The following RBM19 variants were observed in gnomAD, a reference collection of about 807,000 sequenced individuals.
RBM19 encodes the protein probable RNA-binding protein 19.
A neutral mutation model predicts 116.8 loss-of-function variants in RBM19; 94 were observed. The ratio of observed to expected loss-of-function variants is 0.80; its 90% CI spans 0.68 to 0.95. The LOEUF is 0.95. Ranked by LOEUF, RBM19 falls within the 40% of genes least tolerant of loss-of-function variation. The probability of loss-of-function intolerance (pLI) is 0.00; values close to 1 mark genes in which losing one functional copy is unlikely to be tolerated. For synonymous variants in RBM19, 475 were observed against 494.1 expected, an observed-to-expected ratio of 0.96 and a Z score of 0.51; for missense variants, 1,161 against 1,220.7, an observed-to-expected ratio of 0.95 and a Z score of 0.73.
chr12:113,879,376 T>A (rs1232137415), intron 21 of RBM19, among the ~76,000 whole-genome samples: 1 of 150,738 alleles, frequency 6.6e-6, no homozygotes, highest in Non-Finnish European at 1.5e-5. Context: ...CAAATTAAGA[T>A]AGACATTTAG....
intron 16 of RBM19, among the ~76,000 whole-genome samples, chr12:113,931,011 C>A (rs1270678067): frequency 6.6e-6 from 1 of 152,134 alleles, no homozygotes; most frequent in East Asian, 1.9e-4. Flanking sequence ...CAAACAAAAA[C>A]CCCAAAGTCA....
At chr12:113,966,167 T>A (rs747485976) in intron 1 of RBM19, 25 bp downstream of exon 1, 9 of 1,614,060 alleles carry the variant, frequency 5.6e-6, no homozygotes, top group Non-Finnish European at 6.8e-6. Flanking sequence ...CATTTCAGAT[T>A]CCCAAGTCCT....
chr12:113,889,043 C>T lies in RBM19; in HGVS notation c.2558+25926G>A, dbSNP rs549430878. Among the ~76,000 whole-genome samples the T allele has an allele frequency of 4.3e-4, 65 of 152,322 alleles. 2 individuals are homozygous for T. In the South Asian group the frequency reaches 0.013, roughly 30 times the overall value. ...ATGCCCACAGGCAGAGGACAGCCCT[C>T]TCCCCGCATGCCAACAGAAACACTG... On this transcript the variant is annotated intron_variant, in intron 21 of 23. Transcript: ENST00000261741.
intron 21 of RBM19, 132 bp from the exon 22 acceptor site, chr12:113,859,028 T>A: frequency 1.3e-6 from 1 of 748,822 alleles, no homozygotes; most frequent in Non-Finnish European, 2.2e-6. Context: ...ACACACACGC[T>A]CACACATGTC....
intron 17 of RBM19, among the ~76,000 whole-genome samples, chr12:113,925,458 C>T (rs1206887686): frequency 1.3e-5 from 2 of 152,166 alleles, no homozygotes; most frequent in Non-Finnish European, 2.9e-5. Flanking sequence ...ATTAACATCC[C>T]CATGTTACAG....
rs972851086 is a variant in RBM19 at position 113,823,012 on chromosome 12, G to A, written c.*212C>T. ...GTGCGCAGTCAGTGTCTGCTAGAAC[G>A]CGTCACTGGTGAAACCCAGGATGCC... is the stretch of plus-strand genomic sequence containing the variant. On this transcript the variant is annotated 3_prime_UTR_variant, in exon 24 of 24. Coordinates refer to ENST00000261741, the MANE Select transcript of RBM19 (RefSeq NM_016196.4). 3 of 569,404 alleles carry A rather than the reference G, an allele frequency of 5.3e-6. No individual in the cohort carries two copies. Among genetic ancestry groups the A allele is most frequent in the Non-Finnish European group, 9.4e-6 (3 of 317,566 alleles). 35.3% of individuals were successfully genotyped at this position (569,404 alleles called of 1,614,324 possible). A position where few individuals can be genotyped will look rare whatever the true frequency, so the allele number is the denominator to read the frequency against.
rs138373980 is a variant in RBM19 at position 113,890,127 on chromosome 12, C to T, written c.2558+24842G>A. ...GATCCTCTCTCATTCCCCCCTCCCT[C>T]GCTGCCCAAAACCTCAAATAAAATA... On this transcript the variant is annotated intron_variant, in intron 21 of 23. Transcript: ENST00000261741. Among the ~76,000 whole-genome samples, 457 of 152,298 alleles carry T rather than the reference C, an allele frequency of 3.0e-3. 6 individuals carry two copies. Among genetic ancestry groups the T allele is most frequent in the African/African-American group, 0.011 (440 of 41,546 alleles).
At chr12:113,882,730 C>T (rs1288635109) in intron 21 of RBM19, among the ~76,000 whole-genome samples, 3 of 152,162 alleles carry the variant, frequency 2.0e-5, no homozygotes, top group Non-Finnish European at 4.4e-5. Flanking sequence ...TCCCATTAGC[C>T]CCTCCCCAGC....
intron 9 of RBM19, among the ~76,000 whole-genome samples, chr12:113,949,687 C>A (rs1871317853): frequency 6.6e-6 from 1 of 152,134 alleles, no homozygotes; most frequent in African/African-American, 2.4e-5. Flanking sequence ...TACTGAACAT[C>A]CTGTCCGTAG....
At position 113,881,096 on chromosome 12, in the gene RBM19, T is replaced by C. The variant is rs371458629; in HGVS notation, c.2559-22200A>G. ...GCAAGGCTTGCCTGAACTGGGGCGC[T>C]GCTCTAATGGGTCTGAGGAGGCAGG... On this transcript the variant is annotated intron_variant, in intron 21 of 23. Transcript: ENST00000261741. Among the ~76,000 whole-genome samples, 11 of 152,334 alleles carry C rather than the reference T, an allele frequency of 7.2e-5. No individual in the cohort carries two copies. In the East Asian group the frequency reaches 1.4e-3, roughly 19 times the overall value.
At chr12:113,863,066 G>A (rs988490161) in intron 21 of RBM19, among the ~76,000 whole-genome samples, 4 of 149,544 alleles carry the variant, frequency 2.7e-5, no homozygotes, top group African/African-American at 7.3e-5. Flanking sequence ...GTGGTGGGGG[G>A]AGAGAAGGGA....
Position 113,957,954 on chromosome 12 carries a change from G to A in RBM19, c.668C>T (p.Ser223Phe), listed in dbSNP as rs995784630. Residue 223 changes from serine (S) to phenylalanine (F), a missense_variant, in exon 6 of 24, where the codon TCC (serine) becomes TTC (phenylalanine). Transcript: ENST00000261741. ...ATCTTCACTTTCCTCTTCCTCCGAG[G>A]AAGAGGACGACCCAGCCTTCACCAT... ...SKMVKAGSSS[S>F]SEEEESEDEA... 1 of 1,614,100 alleles carries A rather than the reference G, an allele frequency of 6.2e-7. No individual in the cohort carries two copies. The highest frequency in any genetic ancestry group is 1.1e-5 in the South Asian group (1 of 91,076).
In RBM19 at chr12:113,920,705, T is replaced by C; in HGVS notation, c.2306-15A>G. ...AAGGAGCACTCCTGAGAGAGAGAGGTGGAAATCACACCAGTCGGTGAAGCG... is the reference window on the plus strand; with the variant it reads ...AAGGAGCACTCCTGAGAGAGAGAGGCGGAAATCACACCAGTCGGTGAAGCG... On this transcript the variant is annotated splice_polypyrimidine_tract_variant and intron_variant, in intron 18 of 23. Coordinates refer to ENST00000261741, the MANE Select transcript of RBM19 (RefSeq NM_016196.4). 6.2e-7 allele frequency: 1 copy of C among 1,608,552 alleles called. No individual in the cohort carries two copies. The highest frequency in any genetic ancestry group is 1.1e-5 in the South Asian group (1 of 90,956).
chr12:113,915,315 T>A (rs1004779240), intron 20 of RBM19, among the ~76,000 whole-genome samples: 12 of 152,122 alleles, frequency 7.9e-5, no homozygotes, highest in Non-Finnish European at 1.5e-5. Flanking sequence ...GCTGCTGACC[T>A]TCATTTGAGA....
chr12:113,886,178 G>A (rs1464334269), intron 21 of RBM19, among the ~76,000 whole-genome samples: 1 of 152,078 alleles, frequency 6.6e-6, no homozygotes, highest in Non-Finnish European at 1.5e-5. Context: ...TGTTGCCCAG[G>A]CTAGAATGCA....
intron 16 of RBM19, among the ~76,000 whole-genome samples, chr12:113,930,256 C>T (rs769824438): frequency 3.3e-5 from 5 of 152,230 alleles, no homozygotes; most frequent in African/African-American, 7.2e-5. Context: ...AGCCAGTGCC[C>T]GGCGTGGCAT....
intron 22 of RBM19, among the ~76,000 whole-genome samples, chr12:113,845,467 A>C (rs1427559953): frequency 6.6e-6 from 1 of 152,196 alleles, no homozygotes; most frequent in Non-Finnish European, 1.5e-5. Flanking sequence ...CTGAGACAGA[A>C]TTCACATACT....
intron 23 of RBM19, among the ~76,000 whole-genome samples, chr12:113,831,891 C>T (rs1875449940): frequency 6.6e-6 from 1 of 152,150 alleles, no homozygotes; most frequent in African/African-American, 2.4e-5. Flanking sequence ...CCTCCAGGAC[C>T]CCCAGCCTCC....
Position 113,877,001 on chromosome 12 carries a change from C to G in RBM19, c.2559-18105G>C, listed in dbSNP as rs529323486. ...TTTACACATGAGGAAAGGGAAGGTG[C>G]TTGCCCCTGCCTAGGTGCAAAATAT... On this transcript the variant is annotated intron_variant, in intron 21 of 23. Transcript: ENST00000261741. Among the ~76,000 whole-genome samples, 38 of 152,310 alleles carry G rather than the reference C, an allele frequency of 2.5e-4. No individual in the cohort carries two copies. In the South Asian group the frequency reaches 6.8e-3, roughly 27 times the overall value.
Sources: allele counts gnomAD v4.1 joint callset (sites outside exome capture counted in the v4.1 genomes callset), GRCh38; gene constraint gnomAD v4.1.1; transcripts MANE v1.5; gene names NCBI Gene and HGNC (gene_info 2026-07-23, HGNC 2026-07-21).